Variants in INSIG2 observed in about 807,000 individuals in gnomAD.
INSIG2 encodes the protein insulin-induced gene 2 protein.
In INSIG2, 10 loss-of-function variants were observed where a neutral mutation model predicts 27.2. The ratio of observed to expected loss-of-function variants is 0.37; its 90% CI spans 0.23 to 0.62. The LOEUF (loss-of-function observed/expected upper bound fraction) is 0.62. INSIG2 is among the 20% of genes least tolerant of loss of function. INSIG2 has a pLI of 0.65. For missense variants in INSIG2, 178 were observed against 270.2 expected (o/e 0.66, Z 2.39); for synonymous variants, 97 against 95.8 (o/e 1.01, Z -0.07).
At chr2:118,098,896 G>A (rs1678474221) in intron 2 of INSIG2, among the ~76,000 whole-genome samples, 1 of 152,044 alleles carries the variant, frequency 6.6e-6, no homozygotes, top group Non-Finnish European at 1.5e-5. Context: ...GTACCATAAG[G>A]TACTTGGGCA....
chr2:118,099,450 CT>C (rs1228848205), intron 2 of INSIG2, among the ~76,000 whole-genome samples: 2 of 152,026 alleles, frequency 1.3e-5, no homozygotes, highest in African/African-American at 4.8e-5. Flanking sequence ...ATTTTGATGA[CT>C]TTTTTTTCTT....
At position 118,106,844 on chromosome 2, in the gene INSIG2, A is replaced by G; in HGVS notation, c.477A>G (p.Val159=). 6.2e-7 allele frequency: 1 copy of G among 1,614,150 alleles called. No homozygotes were observed. Among genetic ancestry groups the G allele is most frequent in the Non-Finnish European group, 8.5e-7 (1 of 1,179,964 alleles). ...CTAGAAGTGGTTTTGGCCTTGGAGT[A>G]GGAATTGCCTTCTTGGCAACTGTGG... The part of the protein sequence containing the change: ...DRSRSGFGLG[V]GIAFLATVVT... The change falls in exon 4 of 6, where the codon GTA becomes GTG. Residue 159 remains valine, a synonymous_variant. Transcript: ENST00000245787.
chr2:118,108,545 T>G lies in INSIG2; in HGVS notation c.*223T>G. On this transcript the variant is annotated 3_prime_UTR_variant, in exon 6 of 6. Transcript: ENST00000245787. The stretch of plus-strand genomic sequence containing the variant: ...GTTGTAAACCTTTACATATTTGACT[T>G]AAATAACTGTAAGATATATATGTAC... 1 of 405,620 alleles carries G rather than the reference T, an allele frequency of 2.5e-6. No individual in the cohort carries two copies. The highest frequency in any genetic ancestry group is 4.4e-6 in the Non-Finnish European group (1 of 224,796). 25.1% of individuals were successfully genotyped at this position (405,620 alleles called of 1,614,324 possible).
chr2:118,106,251 G>A (rs1274438713), intron 3 of INSIG2, among the ~76,000 whole-genome samples: 1 of 152,152 alleles, frequency 6.6e-6, no homozygotes, highest in Non-Finnish European at 1.5e-5. Context: ...AGAGAATGTG[G>A]TACCCTGTTA....
At chr2:118,094,010 AGATGAT>A (rs372312794) in intron 1 of INSIG2, among the ~76,000 whole-genome samples, 214 of 11,640 alleles carry the variant, frequency 0.018, 5 homozygotes, top group African/African-American at 0.034. Flanking sequence ...AAAAGCAACC[AGATGAT>A]GATGATGATG....
Position 118,096,642 on chromosome 2 carries a change from T to G in INSIG2, c.86T>G (p.Met29Arg). 6.2e-7 allele frequency: 1 copy of G among 1,614,058 alleles called. No homozygotes were observed. Among genetic ancestry groups the G allele is most frequent in the Non-Finnish European group, 8.5e-7 (1 of 1,179,976 alleles). Residue 29 changes from methionine (M) to arginine (R), a missense_variant, in exon 2 of 6, where the codon ATG becomes AGG. Coordinates refer to ENST00000245787, the MANE Select transcript of INSIG2 (RefSeq NM_016133.4). ...SSVTSQSVNL[M>R]IRGVVLFFIG... ...GTCACTAGCCAGAGTGTGAACTTGA[T>G]GATTCGAGGAGTAGTGCTATTTTTT...
intron 2 of INSIG2, among the ~76,000 whole-genome samples, chr2:118,098,187 T>G (rs1678456470): frequency 6.6e-6 from 1 of 152,356 alleles, no homozygotes; most frequent in Admixed American, 6.5e-5. Flanking sequence ...TTTCTAGTTC[T>G]TTGTTTCTTT....
intron 3 of INSIG2, 83 bp downstream of exon 3, chr2:118,103,404 C>T (rs1678598070): frequency 8.1e-7 from 1 of 1,235,356 alleles, no homozygotes. Flanking sequence ...TACAACTTCA[C>T]TGTTGTCAAA....
intron 2 of INSIG2, 38 bp from the exon 3 acceptor site, chr2:118,103,159 A>C (rs1490509308): frequency 6.9e-6 from 11 of 1,598,170 alleles, no homozygotes; most frequent in Non-Finnish European, 8.5e-6. Context: ...CCAGTACAAC[A>C]TTGGAGGTAA....
rs138954785 is a variant in INSIG2, at chr2:118,096,727, C to G, written c.171C>G (p.Leu57=). 1.0e-4 allele frequency: 166 copies of G among 1,613,918 alleles called. No individual in the cohort carries two copies. Among genetic ancestry groups the G allele is most frequent in the Non-Finnish European group, 1.4e-4 (161 of 1,179,958 alleles). Reference sequence around the variant, plus strand: ...TTCAGATTCAGAGAAATGTGACGCTCTTTCCACCTGATGTGATTGCAAGCA... The same window carrying G: ...TTCAGATTCAGAGAAATGTGACGCTGTTTCCACCTGATGTGATTGCAAGCA... ...NLLQIQRNVT[L]FPPDVIASIF... Residue 57 remains leucine (L), a synonymous_variant, in exon 2 of 6, where the codon CTC becomes CTG. Transcript: ENST00000245787.
chr2:118,101,550 A>ACAGG (rs147607753), intron 2 of INSIG2, among the ~76,000 whole-genome samples: 22 of 152,292 alleles, frequency 1.4e-4, no homozygotes, highest in African/African-American at 5.3e-4. Context: ...TTACTCAGCA[A>ACAGG]CAGGCAAAGG....
chr2:118,099,356 G>A (rs528824061), intron 2 of INSIG2, among the ~76,000 whole-genome samples: 1 of 152,264 alleles, frequency 6.6e-6, no homozygotes, highest in East Asian at 1.9e-4. Flanking sequence ...CTTGTTATTT[G>A]CCACCTTTCT....
chr2:118,100,109 G>A (rs1356711648), intron 2 of INSIG2, among the ~76,000 whole-genome samples: 1 of 152,068 alleles, frequency 6.6e-6, no homozygotes, highest in Non-Finnish European at 1.5e-5. Context: ...CTTAACACCA[G>A]CAGTTTCCAG....
chr2:118,104,524 C>G (rs904577510), intron 3 of INSIG2, among the ~76,000 whole-genome samples: 2 of 152,202 alleles, frequency 1.3e-5, no homozygotes, highest in Admixed American at 6.5e-5. Flanking sequence ...TATAAAAAAT[C>G]TAGTGGTCAG....
At chr2:118,090,757 T>C (rs1678205209) in intron 1 of INSIG2, among the ~76,000 whole-genome samples, 1 of 152,228 alleles carries the variant, frequency 6.6e-6, no homozygotes, top group Non-Finnish European at 1.5e-5. Context: ...AATTGTTTTG[T>C]ACCATGTTTG....
Position 118,108,315 on chromosome 2 carries a change from A to G in INSIG2, c.671A>G (p.Gln224Arg), listed in dbSNP as rs1412088853. ...AAAGTTATCGCAGAAAAATCTCATC[A>G]GGAATGAAGAAGGCAAAAAATATCT... ...ECKVIAEKSH[Q>R]E The change falls in exon 6 of 6, where the codon CAG becomes CGG. Residue 224 changes from glutamine to arginine, a missense_variant. Transcript: ENST00000245787. 6.3e-7 allele frequency: 1 copy of G among 1,599,756 alleles called. No individual in the cohort carries two copies. The highest frequency in any genetic ancestry group is 8.5e-7 in the Non-Finnish European group (1 of 1,172,600).
chr2:118,101,640 T>C (rs757787821), intron 2 of INSIG2, among the ~76,000 whole-genome samples: 2 of 152,296 alleles, frequency 1.3e-5, no homozygotes, highest in Middle Eastern at 3.4e-3. Flanking sequence ...AGAGGTGATA[T>C]TCGTTTAACT....
chr2:118,092,141 C>G (rs747981642), intron 1 of INSIG2, among the ~76,000 whole-genome samples: 1 of 152,176 alleles, frequency 6.6e-6, no homozygotes, highest in Non-Finnish European at 1.5e-5. Flanking sequence ...CATTAATTCC[C>G]TTTTGGAAAA....
intron 1 of INSIG2, 29 bp from the exon 2 acceptor site, chr2:118,096,390 A>G (rs981295257): frequency 3.3e-6 from 2 of 597,776 alleles, no homozygotes; most frequent in African/African-American, 1.9e-5. Flanking sequence ...TTAGATACAC[A>G]TTAATTTCTT....
Sources: gnomAD v4.1 joint callset for allele counts (sites outside exome capture counted in the v4.1 genomes callset) on GRCh38, gnomAD v4.1.1 for gene constraint, MANE v1.5 for transcripts, NCBI Gene and HGNC (gene_info 2026-07-23, HGNC 2026-07-21) for gene names.